Variants in IGSF10 observed in about 807,000 individuals in gnomAD.
IGSF10 encodes the protein immunoglobulin superfamily member 10, also known as calvaria mechanical force protein 608.
A neutral mutation model predicts 128.2 loss-of-function variants in IGSF10; 126 were observed. The ratio of observed to expected loss-of-function variants is 0.98; its 90% CI spans 0.85 to 1.14. The LOEUF is 1.14. Among genes scored for constraint, IGSF10 ranks in the 50% most tolerant of loss-of-function variants. IGSF10 has a pLI of 0.00. For missense variants in IGSF10, 3,295 were observed against 3,149.8 expected (o/e 1.05, Z -1.10); for synonymous variants, 1,185 against 1,146.2 (o/e 1.03, Z -0.68).
At chr3:151,469,557 T>C in the IGSF10 span, among the ~76,000 whole-genome samples, 1 of 152,074 alleles carries the variant, frequency 6.6e-6, no homozygotes, top group Non-Finnish European at 1.5e-5. Context: ...TTATGCTGTC[T>C]ACAGAAATAA....
chr3:151,597,156 C>G, the IGSF10 span, among the ~76,000 whole-genome samples: 1 of 152,208 alleles, frequency 6.6e-6, no homozygotes, highest in Non-Finnish European at 1.5e-5. Flanking sequence ...ATTGACCTCA[C>G]TCTACAAGTG....
chr3:151,485,846 C>A, the IGSF10 span, among the ~76,000 whole-genome samples: 1 of 152,188 alleles, frequency 6.6e-6, no homozygotes, highest in African/African-American at 2.4e-5. Context: ...ACTGCAAAGT[C>A]ATACCAAATT....
At chr3:151,591,209 T>C in the IGSF10 span, among the ~76,000 whole-genome samples, 1 of 151,988 alleles carries the variant, frequency 6.6e-6, no homozygotes, top group South Asian at 2.1e-4. Context: ...GCAATATTTC[T>C]GTATTTTTTT....
chr3:151,501,312 GTTA>G, the IGSF10 span, among the ~76,000 whole-genome samples: 1 of 152,018 alleles, frequency 6.6e-6, no homozygotes, highest in African/African-American at 2.4e-5. Context: ...GCTGGAACAA[GTTA>G]TTAGTTTCTA....
the IGSF10 span, among the ~76,000 whole-genome samples, chr3:151,579,163 A>G: frequency 5.3e-4 from 81 of 152,364 alleles, no homozygotes; most frequent in Non-Finnish European, 9.1e-4. Flanking sequence ...GTGGTGTGCT[A>G]GGGGTAAATA....
chr3:151,483,859 C>A, the IGSF10 span, among the ~76,000 whole-genome samples: 1 of 152,178 alleles, frequency 6.6e-6, no homozygotes, highest in Non-Finnish European at 1.5e-5. Context: ...GGGTTTCCAG[C>A]ACAAAACTGA....
chr3:151,507,468 A>G, the IGSF10 span, among the ~76,000 whole-genome samples: 1 of 152,170 alleles, frequency 6.6e-6, no homozygotes, highest in African/African-American at 2.4e-5. Context: ...TATTCGTCCA[A>G]TCTCATCCTG....
At chr3:151,451,846 T>C (rs537358213) in intron 5 of IGSF10, among the ~76,000 whole-genome samples, 24 of 152,326 alleles carry the variant, frequency 1.6e-4, no homozygotes, top group Non-Finnish European at 2.9e-4. Flanking sequence ...ATAAATTTCA[T>C]ATTCATGAAA....
At chr3:151,495,174 A>T in the IGSF10 span, among the ~76,000 whole-genome samples, 1 of 152,170 alleles carries the variant, frequency 6.6e-6, no homozygotes, top group Non-Finnish European at 1.5e-5. Flanking sequence ...TCTTTTGAGC[A>T]AAACTTTTTC....
At chr3:151,464,508 AT>A (rs1286522059), upstream of IGSF10, among the ~76,000 whole-genome samples, 1 of 6,944 alleles carries the variant, frequency 1.4e-4, no homozygotes, top group Admixed American at 1.1e-3. Context: ...TAATCAGAGT[AT>A]TTATTTAACA....
Position 151,436,575 on chromosome 3 carries a change from A to T in IGSF10, c.*114T>A. On this transcript the variant is annotated 3_prime_UTR_variant, in exon 8 of 8. Coordinates refer to ENST00000282466, the MANE Select transcript of IGSF10 (RefSeq NM_178822.5). Reference sequence around the variant, plus strand: ...TCCTTTTATTTTGCATGTTCATTGTAAATTTAATACTGTAAATGTATTCAA... The same window carrying T: ...TCCTTTTATTTTGCATGTTCATTGTTAATTTAATACTGTAAATGTATTCAA... 2 of 693,688 alleles carry T rather than the reference A, an allele frequency of 2.9e-6. No homozygotes were observed. Among genetic ancestry groups the T allele is most frequent in the Non-Finnish European group, 4.8e-6 (2 of 417,032 alleles). The allele number at this position is 693,688 out of a possible 1,614,324, so 43.0% of individuals were successfully genotyped here. A position where few individuals can be genotyped will look rare whatever the true frequency, so the allele number is the denominator to read the frequency against.
chr3:151,535,468 G>T, the IGSF10 span, among the ~76,000 whole-genome samples: 2 of 152,132 alleles, frequency 1.3e-5, no homozygotes, highest in African/African-American at 2.4e-5. Context: ...AGGGGAAAAG[G>T]TTGAAAATCT....
At chr3:151,532,198 C>A in the IGSF10 span, among the ~76,000 whole-genome samples, 2 of 152,034 alleles carry the variant, frequency 1.3e-5, no homozygotes, top group Non-Finnish European at 2.9e-5. Flanking sequence ...AGCCTACAAA[C>A]ACCACAAAAA....
chr3:151,545,894 A>G, the IGSF10 span, among the ~76,000 whole-genome samples: 4 of 152,180 alleles, frequency 2.6e-5, no homozygotes, highest in Admixed American at 6.5e-5. Flanking sequence ...ACTGGTTAGG[A>G]ATCTGTAGTG....
chr3:151,573,062 G>A, the IGSF10 span, among the ~76,000 whole-genome samples: 2 of 152,184 alleles, frequency 1.3e-5, no homozygotes, highest in African/African-American at 2.4e-5. Context: ...TTAATCCTGA[G>A]TTCTAGTTTG....
the IGSF10 span, among the ~76,000 whole-genome samples, chr3:151,552,781 G>A: frequency 1.3e-5 from 2 of 152,302 alleles, no homozygotes; most frequent in East Asian, 3.9e-4. Context: ...CCTACATGCA[G>A]AGATAAGCAA....
At chr3:151,571,971 A>G in the IGSF10 span, among the ~76,000 whole-genome samples, 4 of 152,162 alleles carry the variant, frequency 2.6e-5, no homozygotes, top group Non-Finnish European at 5.9e-5. Context: ...GCATCTATTG[A>G]GATAATCATG....
At chr3:151,518,315 G>A in the IGSF10 span, among the ~76,000 whole-genome samples, 99 of 152,018 alleles carry the variant, frequency 6.5e-4, no homozygotes, top group Middle Eastern at 3.4e-3. Flanking sequence ...CCTCACTTTC[G>A]TTTTTCTGTC....
At position 151,448,659 on chromosome 3, in the gene IGSF10, G is replaced by C; in HGVS notation, c.1322C>G (p.Thr441Ser). The C allele has an allele frequency of 6.2e-7, 1 of 1,614,122 alleles. No homozygotes were observed. The highest frequency in any genetic ancestry group is 1.3e-5 in the African/African-American group (1 of 75,070). The change falls in exon 6 of 8, where the codon ACT (threonine) becomes AGT (serine). Residue 441 changes from threonine to serine, a missense_variant. By Grantham distance (58) the Thr-to-Ser change is moderately conservative. Coordinates refer to ENST00000282466, the MANE Select transcript of IGSF10 (RefSeq NM_178822.5). ...QDQISLQLNR[T>S]ATTFSTLQIQ... ...CTGTAATGTACTGAATGTGGTGGCA[G>C]TTCTGTTCAGCTGCAAGGAAATTTG...
Sources: allele counts gnomAD v4.1 joint callset (sites outside exome capture counted in the v4.1 genomes callset), GRCh38; gene constraint gnomAD v4.1.1; transcripts MANE v1.5; gene names NCBI Gene and HGNC (gene_info 2026-07-23, HGNC 2026-07-21).